Variants in NKAIN3 observed in about 807,000 individuals in gnomAD.
NKAIN3 encodes the protein sodium/potassium transporting ATPase interacting 3, also known as sodium/potassium-transporting ATPase subunit beta-1-interacting protein 3.
NKAIN3 carries 25 observed loss-of-function variants against 30.2 expected under a neutral mutation model. The ratio of observed to expected loss-of-function variants is 0.83; its 90% CI spans 0.60 to 1.16. The LOEUF (loss-of-function observed/expected upper bound fraction) is 1.16. Ranked by LOEUF, NKAIN3 falls within the 50% of genes most tolerant of loss-of-function variation. The pLI is 0.00. For missense variants in NKAIN3, 225 were observed against 254.1 expected (o/e 0.89, Z 0.78); for synonymous variants, 91 against 89.6 (o/e 1.02, Z -0.09).
intron 3 of NKAIN3, among the ~76,000 whole-genome samples, chr8:62,708,847 T>G (rs1190359065): frequency 3.3e-5 from 5 of 152,218 alleles, no homozygotes; most frequent in African/African-American, 4.8e-5. Context: ...AGTATTATGT[T>G]GGCTGTGGGT....
chr8:62,542,464 C>T lies in NKAIN3; in HGVS notation c.55-37075C>T, dbSNP rs7836078. 2.9e-3 allele frequency among the ~76,000 whole-genome samples: 447 copies of T among 152,102 alleles called. 2 individuals carry two copies. The highest frequency in any genetic ancestry group is 0.01 in the African/African-American group (434 of 41,476). On this transcript the variant is annotated intron_variant, in intron 1 of 6. Coordinates refer to ENST00000623646, the MANE Select transcript of NKAIN3 (RefSeq NM_001304533.3). ...ATTAAACAAATGCCAGATTAATCAA[C>T]ATATAAGAACAAAGTATACTCAGAA... is the stretch of plus-strand genomic sequence containing the variant.
At chr8:62,986,480 G>T (rs902694116), downstream of NKAIN3, among the ~76,000 whole-genome samples, 16 of 152,078 alleles carry the variant, frequency 1.1e-4, no homozygotes, top group Non-Finnish European at 1.5e-5. Context: ...CTGGCTTCAG[G>T]TCTCTTATTC....
At chr8:62,890,617 A>G (rs887817463) in intron 4 of NKAIN3, among the ~76,000 whole-genome samples, 3 of 152,240 alleles carry the variant, frequency 2.0e-5, no homozygotes, top group Non-Finnish European at 4.4e-5. Context: ...AAGAATTAGC[A>G]TTCCATACTT....
At chr8:62,579,509 A>G (rs1227194675) in intron 1 of NKAIN3, 30 bp from the exon 2 acceptor site, 10 of 1,572,006 alleles carry the variant, frequency 6.4e-6, no homozygotes, top group Non-Finnish European at 6.9e-6. Context: ...CTTGGATTCA[A>G]TGCTAATGAA....
At chr8:62,863,953 G>A in intron 4 of NKAIN3, 1 of 900,744 alleles carries the variant, frequency 1.1e-6, no homozygotes, top group South Asian at 1.3e-5. Context: ...AGGTGGCGGT[G>A]GTGGTGGTGG....
At chr8:62,826,193 C>G (rs563500683) in intron 4 of NKAIN3, among the ~76,000 whole-genome samples, 50 of 151,968 alleles carry the variant, frequency 3.3e-4, no homozygotes, top group African/African-American at 1.1e-3. Flanking sequence ...AACAATAGAT[C>G]GTTGGAAATA....
chr8:62,423,799 T>A (rs16928904), intron 1 of NKAIN3, among the ~76,000 whole-genome samples: 20,918 of 151,946 alleles, frequency 0.14, 1,726 homozygotes, highest in East Asian at 0.41. Context: ...CACATTTAGC[T>A]CCCCATGACT....
chr8:62,950,944 CTTTTTTTTTTTT>C (rs71559384), intron 5 of NKAIN3, among the ~76,000 whole-genome samples: 3 of 100,664 alleles, frequency 3.0e-5, no homozygotes, highest in African/African-American at 1.1e-4. Context: ...AAACAGAATC[CTTTTTTTTTTTT>C]TTTTTTTTTT....
At chr8:62,627,642 A>C (rs1252303385) in intron 3 of NKAIN3, among the ~76,000 whole-genome samples, 1 of 152,132 alleles carries the variant, frequency 6.6e-6, no homozygotes, top group Non-Finnish European at 1.5e-5. Context: ...GATTTCAGTA[A>C]TTACAACTTA....
intron 5 of NKAIN3, among the ~76,000 whole-genome samples, chr8:62,998,254 T>C (rs1563659770): frequency 1.3e-5 from 2 of 151,246 alleles, no homozygotes; most frequent in African/African-American, 2.4e-5. Flanking sequence ...TCATTTTTCT[T>C]TCTCTCTCTC....
intron 4 of NKAIN3, among the ~76,000 whole-genome samples, chr8:62,846,210 G>T (rs1001002899): frequency 6.6e-6 from 1 of 152,148 alleles, no homozygotes; most frequent in Non-Finnish European, 1.5e-5. Context: ...GCAAGAAAGA[G>T]GCATGAACTA....
intron 5 of NKAIN3, among the ~76,000 whole-genome samples, chr8:62,927,467 C>T (rs1391413141): frequency 6.6e-6 from 1 of 152,038 alleles, no homozygotes; most frequent in Non-Finnish European, 1.5e-5. Flanking sequence ...TGGGAAATAG[C>T]TAGATGAGAA....
At chr8:62,908,530 G>T (rs994101717) in intron 4 of NKAIN3, among the ~76,000 whole-genome samples, 2 of 151,820 alleles carry the variant, frequency 1.3e-5, no homozygotes, top group African/African-American at 4.8e-5. Flanking sequence ...CCACGTCATG[G>T]GAGGGACCCA....
rs1174775315 is a variant in NKAIN3, at chr8:62,321,941, G to A, written c.54+72814G>A. Among the ~76,000 whole-genome samples the A allele has an allele frequency of 2.6e-5, 4 of 152,342 alleles. No individual in the cohort carries two copies. In the East Asian group the frequency reaches 7.7e-4, roughly 30 times the overall value. ...TGCCCCCAGAGGTGGAGTCTACAGAGGCAGGCAGACCTCCTTGAGCTGCGG... is the reference window on the plus strand; with the variant it reads ...TGCCCCCAGAGGTGGAGTCTACAGAAGCAGGCAGACCTCCTTGAGCTGCGG... On this transcript the variant is annotated intron_variant, in intron 1 of 6. Transcript: ENST00000623646.
intron 3 of NKAIN3, among the ~76,000 whole-genome samples, chr8:62,659,878 C>T (rs143405783): frequency 3.3e-5 from 5 of 152,306 alleles, no homozygotes; most frequent in African/African-American, 1.2e-4. Flanking sequence ...TTTCCCTGCA[C>T]AAGCACTGTC....
At chr8:62,434,292 G>A (rs1044768170) in intron 1 of NKAIN3, among the ~76,000 whole-genome samples, 5 of 152,156 alleles carry the variant, frequency 3.3e-5, no homozygotes, top group African/African-American at 1.2e-4. Context: ...ACTAAGTGAT[G>A]CAAGTCTCAA....
intron 1 of NKAIN3, among the ~76,000 whole-genome samples, chr8:62,281,780 T>A (rs375228387): frequency 6.6e-6 from 1 of 152,194 alleles, no homozygotes; most frequent in African/African-American, 2.4e-5. Flanking sequence ...TTATGCATGT[T>A]TGTCATCCAG....
chr8:62,387,592 G>A (rs137902504), intron 1 of NKAIN3, among the ~76,000 whole-genome samples: 196 of 152,280 alleles, frequency 1.3e-3, no homozygotes, highest in African/African-American at 4.2e-3. Context: ...CATCACCTTA[G>A]TTTCTGTTAA....
chr8:62,519,893 C>G (rs1356523759), intron 1 of NKAIN3, among the ~76,000 whole-genome samples: 5 of 152,108 alleles, frequency 3.3e-5, no homozygotes, highest in Non-Finnish European at 5.9e-5. Flanking sequence ...GCAGACTGGC[C>G]AGATCAGAGG....
Sources: allele counts gnomAD v4.1 joint callset (sites outside exome capture counted in the v4.1 genomes callset), GRCh38; gene constraint gnomAD v4.1.1; transcripts MANE v1.5; gene names NCBI Gene and HGNC (gene_info 2026-07-23, HGNC 2026-07-21).